The following PARD3 variants were observed in gnomAD, a reference collection of about 807,000 sequenced individuals.
PARD3 encodes the protein partitioning defective 3 homolog.
PARD3 carries 75 observed loss-of-function variants against 155.4 expected under a neutral mutation model. That is an observed-to-expected ratio of 0.48 (90% CI 0.40 to 0.58). PARD3 has a LOEUF of 0.58. Ranked by LOEUF, PARD3 falls within the 20% of genes least tolerant of loss-of-function variation. PARD3 has a pLI of 0.00. For synonymous variants in PARD3, 576 were observed against 610.5 expected (o/e 0.94, Z 0.83); for missense variants, 1,642 against 1,721.7 (o/e 0.95, Z 0.82).
At chr10:34,480,806 T>TC (rs1256333244) in intron 3 of PARD3, among the ~76,000 whole-genome samples, 1 of 146,856 alleles carries the variant, frequency 6.8e-6, no homozygotes, top group Non-Finnish European at 1.5e-5. Flanking sequence ...TTTTTTTTTT[T>TC]TTTTTTTCTT....
At chr10:34,636,450 A>G (rs991603314) in intron 2 of PARD3, among the ~76,000 whole-genome samples, 2 of 151,700 alleles carry the variant, frequency 1.3e-5, no homozygotes, top group Admixed American at 6.6e-5. Context: ...CAGTCCCTCC[A>G]CCCCACCACA....
At chr10:34,595,764 AAAAC>A (rs2089193439) in intron 2 of PARD3, among the ~76,000 whole-genome samples, 1 of 152,220 alleles carries the variant, frequency 6.6e-6, no homozygotes, top group Non-Finnish European at 1.5e-5. Context: ...AGGTTAAAAA[AAAAC>A]ACTCTGTCAC....
At chr10:34,758,455 C>T (rs1179653161) in intron 1 of PARD3, among the ~76,000 whole-genome samples, 1 of 152,114 alleles carries the variant, frequency 6.6e-6, no homozygotes, top group Non-Finnish European at 1.5e-5. Context: ...TGCCTCATAA[C>T]CATCTGCAGA....
Position 34,331,252 on chromosome 10 carries a change from T to C in PARD3, c.2698A>G (p.Asn900Asp), listed in dbSNP as rs1389254218. 6.2e-7 allele frequency: 1 copy of C among 1,613,952 alleles called. No homozygotes were observed. Among genetic ancestry groups the C allele is most frequent in the African/African-American group, 1.3e-5 (1 of 74,990 alleles). Residue 900 changes from asparagine (N) to aspartate (D), a missense_variant, in exon 19 of 25, where the codon AAT (asparagine) becomes GAT (aspartate). By Grantham distance (23) the Asn-to-Asp change is conservative. Around this residue, in one of 3 missense-constraint regions of PARD3, gnomAD observed 1,529 missense variants for 1,587.3 expected, o/e 0.96. Coordinates refer to ENST00000374788, the MANE Select transcript of PARD3 (RefSeq NM_001184785.2). ...LQTAVAEVTL[N>D]GDIPFHRPRP... ...GGACGATGGAAAGGAATATCCCCAT[T>C]CAAAGTCACCTCGGCAACTGCGGTC...
At chr10:34,725,154 A>G (rs139040840) in intron 1 of PARD3, among the ~76,000 whole-genome samples, 2 of 59,342 alleles carry the variant, frequency 3.4e-5, no homozygotes, top group African/African-American at 1.0e-4. Context: ...TGTGTGTGAC[A>G]GAGAGAGAGA....
intron 2 of PARD3, among the ~76,000 whole-genome samples, chr10:34,624,508 G>A (rs1564430434): frequency 6.6e-6 from 1 of 152,200 alleles, no homozygotes; most frequent in African/African-American, 2.4e-5. Context: ...TCACTTCAGG[G>A]TCGGGTGAGG....
intron 10 of PARD3, among the ~76,000 whole-genome samples, chr10:34,376,590 ATC>A (rs1351442738): frequency 6.6e-6 from 1 of 152,216 alleles, no homozygotes; most frequent in African/African-American, 2.4e-5. Flanking sequence ...GTACTCAAAC[ATC>A]TGTTATTTAG....
At chr10:34,700,222 T>C (rs2094249338) in intron 1 of PARD3, among the ~76,000 whole-genome samples, 1 of 151,884 alleles carries the variant, frequency 6.6e-6, no homozygotes, top group Admixed American at 6.6e-5. Context: ...CAAAACCACA[T>C]GAAGAATCAC....
At chr10:34,245,815 C>T (rs1953913370) in intron 22 of PARD3, among the ~76,000 whole-genome samples, 2 of 152,176 alleles carry the variant, frequency 1.3e-5, no homozygotes, top group Admixed American at 6.5e-5. Flanking sequence ...GATCTGTCCC[C>T]GTTGAGTTCG....
chr10:34,235,688 A>G (rs1272509116), intron 22 of PARD3, among the ~76,000 whole-genome samples: 2 of 152,216 alleles, frequency 1.3e-5, no homozygotes, highest in Non-Finnish European at 2.9e-5. Context: ...AGTTCTGACT[A>G]ATGATATCCA....
intron 1 of PARD3, among the ~76,000 whole-genome samples, chr10:34,743,195 A>G (rs1043968041): frequency 6.6e-6 from 1 of 152,198 alleles, no homozygotes; most frequent in South Asian, 2.1e-4. Context: ...GAAAGAACCA[A>G]AGGCATGGCA....
At chr10:34,398,385 T>C (rs114528280) in intron 7 of PARD3, among the ~76,000 whole-genome samples, 377 of 152,284 alleles carry the variant, frequency 2.5e-3, no homozygotes, top group African/African-American at 8.3e-3. Context: ...TTCTACGGTC[T>C]CAGTCACTGC....
chr10:34,532,116 C>T (rs552616169), intron 2 of PARD3, among the ~76,000 whole-genome samples: 3 of 152,222 alleles, frequency 2.0e-5, no homozygotes, highest in South Asian at 4.1e-4. Context: ...AATGGCACCA[C>T]GTATGCTCTG....
chr10:34,488,973 C>T (rs773982), intron 3 of PARD3: 56,530 of 152,618 alleles, frequency 0.37, 10,597 homozygotes, highest in East Asian at 0.43. Flanking sequence ...GCATGCCATG[C>T]GCATGGCCCC....
chr10:34,591,779 C>A (rs1417134452), intron 2 of PARD3, among the ~76,000 whole-genome samples: 1 of 152,184 alleles, frequency 6.6e-6, no homozygotes, highest in Non-Finnish European at 1.5e-5. Flanking sequence ...ACAACTGGTG[C>A]AAGCTAAGCC....
intron 23 of PARD3, among the ~76,000 whole-genome samples, chr10:34,123,574 C>T (rs1028226300): frequency 1.3e-5 from 2 of 152,108 alleles, no homozygotes; most frequent in African/African-American, 4.8e-5. Context: ...TACAGGTATG[C>T]ACCACCATGC....
chr10:34,364,595 A>C (rs1191219971), intron 12 of PARD3, among the ~76,000 whole-genome samples: 2 of 151,990 alleles, frequency 1.3e-5, no homozygotes, highest in African/African-American at 4.8e-5. Context: ...ACCAAGCCTG[A>C]CTAACTTTTT....
chr10:34,469,063 T>C (rs983985625), intron 4 of PARD3, among the ~76,000 whole-genome samples: 46 of 152,058 alleles, frequency 3.0e-4, no homozygotes, highest in Non-Finnish European at 8.8e-5. Context: ...AAATAAGAGG[T>C]GAGAAGCGTG....
At chr10:34,515,870 C>G (rs1165619961) in intron 3 of PARD3, among the ~76,000 whole-genome samples, 2 of 151,956 alleles carry the variant, frequency 1.3e-5, no homozygotes, top group African/African-American at 4.8e-5. Flanking sequence ...TTATAAATAT[C>G]TACTGAAGAC....
Sources: gnomAD v4.1 joint callset for allele counts (sites outside exome capture counted in the v4.1 genomes callset) on GRCh38, gnomAD v4.1.1 for gene constraint, gnomAD v4.1.1 regional missense constraint, MANE v1.5 for transcripts, NCBI Gene and HGNC (gene_info 2026-07-23, HGNC 2026-07-21) for gene names.